The following MCUB variants were observed in gnomAD, a reference collection of about 807,000 sequenced individuals.
The protein encoded by MCUB is mitochondrial calcium uniporter dominant negative subunit beta, also known as calcium uniporter regulatory subunit MCUb, mitochondrial.
MCUB carries 46 observed loss-of-function variants against 41.4 expected under a neutral mutation model. The ratio of observed to expected loss-of-function variants is 1.11; its 90% CI spans 0.88 to 1.42. The LOEUF is 1.42. Ranked by LOEUF, MCUB falls within the 40% of genes most tolerant of loss-of-function variation. The pLI is 0.00. For missense variants in MCUB, 403 were observed against 404.9 expected (o/e 1.00, Z 0.04); for synonymous variants, 148 against 148.2 (o/e 1.00, Z 0.01).
chr4:109,611,466 T>C (rs1728006378), intron 1 of MCUB, among the ~76,000 whole-genome samples: 1 of 152,224 alleles, frequency 6.6e-6, no homozygotes. Context: ...TATTTCCATG[T>C]CTTGGGAGGC....
chr4:109,681,530 T>G, intron 4 of MCUB: 1 of 436,180 alleles, frequency 2.3e-6, no homozygotes, highest in South Asian at 1.7e-5. Flanking sequence ...GACCTGGGGT[T>G]CTTGGCCTCA....
intron 1 of MCUB, among the ~76,000 whole-genome samples, chr4:109,585,593 T>A (rs1023637308): frequency 6.6e-6 from 1 of 152,240 alleles, no homozygotes; most frequent in Non-Finnish European, 1.5e-5. Context: ...GTACTGGTTG[T>A]TCTTTTCCAT....
chr4:109,607,675 GT>G (rs967588193), intron 1 of MCUB, among the ~76,000 whole-genome samples: 61 of 152,148 alleles, frequency 4.0e-4, no homozygotes, highest in East Asian at 7.7e-4. Flanking sequence ...AGGGTTAAAA[GT>G]TTTTTTTCCT....
At chr4:109,618,904 C>G (rs1728185329) in intron 1 of MCUB, among the ~76,000 whole-genome samples, 1 of 151,866 alleles carries the variant, frequency 6.6e-6, no homozygotes, top group South Asian at 2.1e-4. Flanking sequence ...TGTAAATGTA[C>G]ACACCAGAAA....
intron 1 of MCUB, among the ~76,000 whole-genome samples, chr4:109,651,336 A>G (rs1238702153): frequency 6.6e-6 from 1 of 152,128 alleles, no homozygotes; most frequent in African/African-American, 2.4e-5. Flanking sequence ...CTTGCTTTCT[A>G]GTACAGCAAG....
rs144978801 is a variant in MCUB at position 109,580,860 on chromosome 4, T to G, written c.99+20424T>G. ...ACTCTGATGGTAGTTTCTTTTGCTGTGCAGAAGCTCTTTAGTTTAATTAGA... is the reference window on the plus strand; with the variant it reads ...ACTCTGATGGTAGTTTCTTTTGCTGGGCAGAAGCTCTTTAGTTTAATTAGA... On this transcript the variant is annotated intron_variant, in intron 1 of 7. Coordinates refer to ENST00000394650, the MANE Select transcript of MCUB (RefSeq NM_017918.5). Among the ~76,000 whole-genome samples the G allele has an allele frequency of 5.6e-3, 846 of 152,326 alleles. 7 individuals are homozygous for G. Among genetic ancestry groups the G allele is most frequent in the African/African-American group, 0.019 (783 of 41,554 alleles).
chr4:109,639,846 A>G (rs1483647120), intron 1 of MCUB, among the ~76,000 whole-genome samples: 1 of 152,166 alleles, frequency 6.6e-6, no homozygotes, highest in Non-Finnish European at 1.5e-5. Flanking sequence ...GCTTCACCTT[A>G]AAGTCACCAG....
chr4:109,598,522 T>C (rs1246101553), intron 1 of MCUB, among the ~76,000 whole-genome samples: 1 of 150,972 alleles, frequency 6.6e-6, no homozygotes, highest in Non-Finnish European at 1.5e-5. Flanking sequence ...GGCAGGGAGG[T>C]TGCAGTGAGC....
chr4:109,608,868 T>A (rs1199954555), intron 1 of MCUB, among the ~76,000 whole-genome samples: 3 of 152,170 alleles, frequency 2.0e-5, no homozygotes, highest in Non-Finnish European at 4.4e-5. Context: ...TGGGAAGATT[T>A]CCAAATATTT....
intron 4 of MCUB, among the ~76,000 whole-genome samples, chr4:109,667,675 T>G (rs1017101349): frequency 1.1e-4 from 16 of 150,538 alleles, no homozygotes; most frequent in Non-Finnish European, 2.2e-4. Context: ...ACTATATTTA[T>G]TATCTCTTTT....
intron 1 of MCUB, among the ~76,000 whole-genome samples, chr4:109,616,240 T>A (rs1453863961): frequency 6.6e-6 from 1 of 152,016 alleles, no homozygotes; most frequent in African/African-American, 2.4e-5. Context: ...CCAGCTTTGC[T>A]TACATTGTAG....
intron 6 of MCUB, chr4:109,684,875 T>C (rs1729802151): frequency 4.4e-6 from 2 of 451,816 alleles, no homozygotes; most frequent in Admixed American, 7.9e-5. Context: ...AATTCCTCCA[T>C]TGGGATAAAT....
At chr4:109,652,484 A>C (rs547074000) in intron 1 of MCUB, among the ~76,000 whole-genome samples, 1 of 152,218 alleles carries the variant, frequency 6.6e-6, no homozygotes, top group Non-Finnish European at 1.5e-5. Context: ...AAATGTATTT[A>C]GTTCACAGTT....
intron 1 of MCUB, among the ~76,000 whole-genome samples, chr4:109,641,959 A>T (rs762403409): frequency 3.3e-5 from 5 of 152,236 alleles, no homozygotes; most frequent in Non-Finnish European, 7.3e-5. Context: ...GTGACTATAA[A>T]TAGATGTATT....
At chr4:109,635,198 A>G (rs369265421) in intron 1 of MCUB, among the ~76,000 whole-genome samples, 17 of 152,256 alleles carry the variant, frequency 1.1e-4, no homozygotes, top group East Asian at 9.7e-4. Flanking sequence ...TATCCAGTCT[A>G]TCATTGATGG....
chr4:109,651,689 C>A (rs2126142668), intron 1 of MCUB, among the ~76,000 whole-genome samples: 1 of 152,322 alleles, frequency 6.6e-6, no homozygotes, highest in Middle Eastern at 3.4e-3. Context: ...ACCAGTACTT[C>A]AGTCTAACAC....
chr4:109,560,726 G>T (rs1177487496), intron 1 of MCUB, among the ~76,000 whole-genome samples: 1 of 152,128 alleles, frequency 6.6e-6, no homozygotes, highest in African/African-American at 2.4e-5. Flanking sequence ...ACCAGACTTC[G>T]GCCTGGGAGC....
intron 1 of MCUB, among the ~76,000 whole-genome samples, chr4:109,575,227 T>A (rs1726999466): frequency 6.6e-6 from 1 of 152,256 alleles, no homozygotes; most frequent in African/African-American, 2.4e-5. Context: ...TGTTCATCCC[T>A]TGTTCTGCCC....
chr4:109,583,216 G>T (rs1055099125), intron 1 of MCUB, among the ~76,000 whole-genome samples: 1 of 152,230 alleles, frequency 6.6e-6, no homozygotes, highest in South Asian at 2.1e-4. Flanking sequence ...TCTTCCATTT[G>T]TTTGTGTCCT....
Sources: allele counts gnomAD v4.1 joint callset (sites outside exome capture counted in the v4.1 genomes callset), GRCh38; gene constraint gnomAD v4.1.1; transcripts MANE v1.5; gene names NCBI Gene and HGNC (gene_info 2026-07-23, HGNC 2026-07-21).